Variants in LRRC4C observed in about 807,000 individuals in gnomAD.
LRRC4C encodes leucine-rich repeat-containing protein 4C.
LRRC4C carries 5 observed loss-of-function variants against 33.6 expected under a neutral mutation model. That is an observed-to-expected ratio of 0.15 (90% CI 0.08 to 0.31). LRRC4C has a LOEUF of 0.31. Ranked by LOEUF, LRRC4C falls within the 10% of genes least tolerant of loss-of-function variation. The probability of loss-of-function intolerance (pLI) is 1.00; values close to 1 mark genes in which losing one functional copy is unlikely to be tolerated. For missense variants in LRRC4C, 560 were observed against 796.7 expected (o/e 0.70, Z 3.58); for synonymous variants, 329 against 302.0 (o/e 1.09, Z -0.93).
At chr11:40,423,984 T>C (rs112871363) in intron 3 of LRRC4C, among the ~76,000 whole-genome samples, 1 of 152,184 alleles carries the variant, frequency 6.6e-6, no homozygotes, top group Admixed American at 6.5e-5. Context: ...TAAAAACTCA[T>C]GTATATGTAT....
At chr11:40,649,802 C>T (rs1489548253) in intron 2 of LRRC4C, among the ~76,000 whole-genome samples, 2 of 152,066 alleles carry the variant, frequency 1.3e-5, no homozygotes, top group Admixed American at 1.3e-4. Flanking sequence ...TGATATATGT[C>T]CATATTAAAA....
At chr11:41,166,534 T>G (rs1374287934) in intron 1 of LRRC4C, among the ~76,000 whole-genome samples, 1 of 152,132 alleles carries the variant, frequency 6.6e-6, no homozygotes, top group Non-Finnish European at 1.5e-5. Context: ...TTTTGACAAA[T>G]TCACTAACTC....
chr11:40,766,353 T>TAAAAAAAAAAAAA (rs60152534), intron 2 of LRRC4C, among the ~76,000 whole-genome samples: 7 of 33,914 alleles, frequency 2.1e-4, no homozygotes, highest in African/African-American at 5.3e-4. Context: ...TTCAGTCTGT[T>TAAAAAAAAAAAAA]AAAAAAAAAA....
In LRRC4C at chr11:40,602,399, G is replaced by A. The variant is rs148894510; in HGVS notation, c.-270+45743C>T. Among the ~76,000 whole-genome samples, 128 of 152,198 alleles carry A rather than the reference G, an allele frequency of 8.4e-4. 1 individual carries two copies. Among genetic ancestry groups the A allele is most frequent in the African/African-American group, 2.8e-3 (116 of 41,544 alleles). On this transcript the variant is annotated intron_variant, in intron 3 of 6. Coordinates refer to ENST00000528697, the MANE Select transcript of LRRC4C (RefSeq NM_001258419.2). Reference sequence around the variant, plus strand: ...TTGAAAAAGGTGAATATCCATGTGTGCAAATTGTGTTTATGAGAAAAGAAT... The same window carrying A: ...TTGAAAAAGGTGAATATCCATGTGTACAAATTGTGTTTATGAGAAAAGAAT...
At chr11:40,626,889 T>C (rs757290039) in intron 3 of LRRC4C, among the ~76,000 whole-genome samples, 1 of 152,140 alleles carries the variant, frequency 6.6e-6, no homozygotes, top group Non-Finnish European at 1.5e-5. Flanking sequence ...GGTGACACAT[T>C]CCCTCAGTTT....
intron 1 of LRRC4C, among the ~76,000 whole-genome samples, chr11:41,279,849 C>T (rs548981001): frequency 1.3e-5 from 2 of 151,528 alleles, no homozygotes; most frequent in Non-Finnish European, 2.9e-5. Context: ...ATGTGGCTGG[C>T]CACATTTATT....
chr11:41,123,461 A>G (rs1379703472), intron 1 of LRRC4C, among the ~76,000 whole-genome samples: 2 of 148,762 alleles, frequency 1.3e-5, no homozygotes, highest in Non-Finnish European at 3.0e-5. Flanking sequence ...TTTAGTAGAG[A>G]CGGGGTTTCA....
intron 3 of LRRC4C, among the ~76,000 whole-genome samples, chr11:40,399,415 C>G (rs1434036764): frequency 6.6e-6 from 1 of 151,922 alleles, no homozygotes; most frequent in Admixed American, 6.6e-5. Context: ...TCATCATTCT[C>G]AGTAAACTAT....
intron 3 of LRRC4C, among the ~76,000 whole-genome samples, chr11:40,385,785 T>C (rs1039005925): frequency 6.6e-6 from 1 of 151,624 alleles, no homozygotes; most frequent in Non-Finnish European, 1.5e-5. Flanking sequence ...GAGAATCACT[T>C]GAACACGGAA....
intron 3 of LRRC4C, among the ~76,000 whole-genome samples, chr11:40,597,026 A>G (rs568560126): frequency 6.6e-6 from 1 of 152,362 alleles, no homozygotes; most frequent in South Asian, 2.1e-4. Flanking sequence ...TAAAAATACA[A>G]ATGTGTTATT....
intron 1 of LRRC4C, chr11:41,222,830 C>CAAAA (rs57071602): frequency 2.4e-4 from 12 of 49,256 alleles, no homozygotes; most frequent in African/African-American, 7.7e-4. Context: ...TTTTTCCTCT[C>CAAAA]AAAAAAAAAA....
In LRRC4C at chr11:40,115,342, T is replaced by A. The variant is rs766338226; in HGVS notation, c.951A>T (p.Lys317Asn). ...AAGCTGTGTTCGAGGGGGCCATGTC[T>A]TTTATCCACCAGCTGAGCCACAGTA... ...CDILWLSWWI[K>N]DMAPSNTACC... Residue 317 changes from lysine to asparagine, a missense_variant, in exon 7 of 7, where the codon AAA becomes AAT. Lys to Asn is a moderately conservative substitution (Grantham distance 94, BLOSUM62 0). Around this residue, in one of 3 missense-constraint regions of LRRC4C, gnomAD observed 455 missense variants for 643.8 expected, o/e 0.71. Coordinates refer to ENST00000528697, the MANE Select transcript of LRRC4C (RefSeq NM_001258419.2). This position sits in a 1 kb window ranked among gnomAD's most constrained non-coding sequence, Gnocchi z 6.7. 6.2e-7 allele frequency: 1 copy of A among 1,614,180 alleles called. No individual in the cohort carries two copies. Among genetic ancestry groups the A allele is most frequent in the East Asian group, 2.2e-5 (1 of 44,862 alleles).
intron 3 of LRRC4C, among the ~76,000 whole-genome samples, chr11:40,632,491 T>C (rs922308906): frequency 2.0e-5 from 3 of 152,208 alleles, no homozygotes; most frequent in Non-Finnish European, 4.4e-5. Flanking sequence ...ATTTTGGAGA[T>C]ACCAGAATTA....
intron 1 of LRRC4C, among the ~76,000 whole-genome samples, chr11:41,252,637 G>A (rs4460796): frequency 6.6e-6 from 1 of 151,452 alleles, no homozygotes; most frequent in Non-Finnish European, 1.5e-5. Flanking sequence ...AACAAAAAAT[G>A]TCCTATTTAA....
chr11:41,071,965 A>G (rs1194689926), intron 1 of LRRC4C, among the ~76,000 whole-genome samples: 1 of 152,170 alleles, frequency 6.6e-6, no homozygotes, highest in Non-Finnish European at 1.5e-5. Context: ...CAGAATGCAA[A>G]TAAGAATTGC....
At chr11:40,797,278 T>G (rs1950872294) in intron 2 of LRRC4C, among the ~76,000 whole-genome samples, 1 of 152,114 alleles carries the variant, frequency 6.6e-6, no homozygotes, top group African/African-American at 2.4e-5. Context: ...TGGGGTGGGC[T>G]GGAGTAGGCA....
At position 41,290,144 on chromosome 11, in the gene LRRC4C, C is replaced by T. The variant is rs188250185; in HGVS notation, c.-496+169287G>A. On this transcript the variant is annotated intron_variant, in intron 1 of 6. Transcript: ENST00000528697. Reference sequence around the variant, plus strand: ...GGAGAGAGAGACAATGGACCACATACCAAAAACATCAGTAAATAAGAGTGA... The same window carrying T: ...GGAGAGAGAGACAATGGACCACATATCAAAAACATCAGTAAATAAGAGTGA... 1.2e-4 allele frequency among the ~76,000 whole-genome samples: 19 copies of T among 152,106 alleles called. No homozygotes were observed. The East Asian group carries it at 3.5e-3, about 28-fold the overall frequency.
chr11:40,818,945 G>A (rs948008072), intron 2 of LRRC4C, among the ~76,000 whole-genome samples: 1 of 152,022 alleles, frequency 6.6e-6, no homozygotes, highest in African/African-American at 2.4e-5. Flanking sequence ...TTACAAAACA[G>A]AACAGGTAGA....
intron 1 of LRRC4C, among the ~76,000 whole-genome samples, chr11:41,206,283 T>C (rs1332396435): frequency 6.6e-6 from 1 of 152,198 alleles, no homozygotes; most frequent in Admixed American, 6.5e-5. Flanking sequence ...CCAAACTGAA[T>C]TGCTCAGTGT....
Sources: allele counts gnomAD v4.1 joint callset (sites outside exome capture counted in the v4.1 genomes callset), GRCh38; gene constraint gnomAD v4.1.1; regional missense constraint gnomAD v4.1.1; non-coding constraint Gnocchi (gnomAD v3.1); transcripts MANE v1.5; gene names NCBI Gene and HGNC (gene_info 2026-07-23, HGNC 2026-07-21).